The following PCDHA1 variants were observed in gnomAD, a reference collection of about 807,000 sequenced individuals.
PCDHA1 encodes protocadherin alpha-1.
Under a neutral mutation model 61.3 loss-of-function variants are expected in PCDHA1, and 42 were observed. That is an observed-to-expected ratio of 0.69 (90% confidence interval 0.54 to 0.89). PCDHA1 has a LOEUF of 0.89. Ranked by LOEUF, PCDHA1 falls within the 40% of genes least tolerant of loss-of-function variation. The pLI is 0.00. For synonymous variants in PCDHA1, 610 were observed against 553.8 expected (o/e 1.10, Z -1.43); for missense variants, 1,256 against 1,235.3 (o/e 1.02, Z -0.25).
Position 140,885,793 on chromosome 5 carries a change from A to G in PCDHA1, c.2395-93156A>G, listed in dbSNP as rs541928241. On this transcript the variant is annotated intron_variant, in intron 1 of 3. Coordinates refer to ENST00000504120, the MANE Select transcript of PCDHA1 (RefSeq NM_018900.4). ...TATTAGTGAATTTGAGCATATTGTCATATGTATTTTGTTGATTTGTATTTG... is the reference window on the plus strand; with the variant it reads ...TATTAGTGAATTTGAGCATATTGTCGTATGTATTTTGTTGATTTGTATTTG... Among the ~76,000 whole-genome samples the G allele has an allele frequency of 2.0e-5, 3 of 152,162 alleles. No homozygotes were observed. The South Asian group carries it at 6.2e-4, about 32-fold the overall frequency.
At chr5:140,850,617 T>A in intron 1 of PCDHA1, 3 of 1,598,492 alleles carry the variant, frequency 1.9e-6, no homozygotes, top group African/African-American at 2.7e-5. Context: ...CTGCGCGGTG[T>A]CTAGCCTGTT....
intron 1 of PCDHA1, chr5:140,858,134 G>T (rs1277423393): frequency 3.1e-6 from 5 of 1,597,762 alleles, no homozygotes; most frequent in East Asian, 2.2e-5. Context: ...GGATGTCAAC[G>T]TGTACCTGAT....
intron 3 of PCDHA1, among the ~76,000 whole-genome samples, chr5:140,997,807 G>A (rs557351308): frequency 4.5e-4 from 68 of 152,118 alleles, no homozygotes; most frequent in African/African-American, 1.5e-3. Context: ...CCAATTTGCT[G>A]TTGGTATCTA....
Position 140,947,771 on chromosome 5 carries a change from T to C in PCDHA1, c.2395-31178T>C, listed in dbSNP as rs1167163964. ...TATTTTATGGTTTAAAAAATTCTAT[T>C]GTAAATGGATTTTAAACAGACTTTT... On this transcript the variant is annotated intron_variant, in intron 1 of 3. Transcript: ENST00000504120. 2.6e-5 allele frequency among the ~76,000 whole-genome samples: 4 copies of C among 151,706 alleles called. No individual in the cohort carries two copies. The East Asian group carries it at 5.8e-4, about 22-fold the overall frequency.
chr5:140,801,140 A>G, intron 1 of PCDHA1: 1 of 1,526,560 alleles, frequency 6.6e-7, no homozygotes, highest in Non-Finnish European at 8.8e-7. Context: ...AGGAACTCGA[A>G]TTATTTTTAA....
intron 1 of PCDHA1, among the ~76,000 whole-genome samples, chr5:140,941,439 G>A (rs187782763): frequency 1.3e-5 from 2 of 149,420 alleles, no homozygotes; most frequent in East Asian, 2.0e-4. Context: ...CCTCAGCCTC[G>A]GGAGTAGCTG....
At chr5:140,918,823 C>T (rs2078875594) in intron 1 of PCDHA1, among the ~76,000 whole-genome samples, 2 of 11,382 alleles carry the variant, frequency 1.8e-4, no homozygotes, top group African/African-American at 5.2e-3. Context: ...AAAAAGTGGC[C>T]CCCTCCCCAG....
chr5:140,940,774 G>T (rs1554213602), intron 1 of PCDHA1, among the ~76,000 whole-genome samples: 4 of 151,994 alleles, frequency 2.6e-5, no homozygotes, highest in African/African-American at 7.3e-5. Context: ...GACTTTTGAT[G>T]GTCCATATCC....
intron 1 of PCDHA1, chr5:140,815,662 T>G (rs1765776092): frequency 1.3e-5 from 2 of 152,180 alleles, no homozygotes; most frequent in Admixed American, 1.3e-4. Context: ...ATATTTATCT[T>G]TACTAGTGAG....
chr5:140,955,171 C>G (rs887184603), intron 1 of PCDHA1, among the ~76,000 whole-genome samples: 2 of 152,158 alleles, frequency 1.3e-5, no homozygotes, highest in African/African-American at 2.4e-5. Context: ...GTTTTGGTTA[C>G]TGTAGTTTTG....
intron 1 of PCDHA1, chr5:140,851,576 G>C: frequency 1.1e-6 from 1 of 913,534 alleles, no homozygotes; most frequent in Non-Finnish European, 1.3e-6. Context: ...TCTACACTTA[G>C]AACATTTTTT....
At chr5:140,791,369 C>T (rs1212440214) in intron 1 of PCDHA1, among the ~76,000 whole-genome samples, 1 of 152,196 alleles carries the variant, frequency 6.6e-6, no homozygotes, top group Non-Finnish European at 1.5e-5. Flanking sequence ...GATACTGAGA[C>T]ACCATAAAGT....
intron 1 of PCDHA1, chr5:140,836,379 C>T (rs2150259226): frequency 6.2e-7 from 1 of 1,613,734 alleles, no homozygotes; most frequent in Non-Finnish European, 8.5e-7. Context: ...AGCCACCGTG[C>T]TGGTGTCGCT....
intron 1 of PCDHA1, chr5:140,796,819 C>A (rs782194606): frequency 3.7e-6 from 6 of 1,613,996 alleles, no homozygotes; most frequent in Non-Finnish European, 5.1e-6. Context: ...TGGCAGCGCT[C>A]GCATCCCGTT....
intron 1 of PCDHA1, among the ~76,000 whole-genome samples, chr5:140,940,491 C>A (rs1554213409): frequency 6.6e-6 from 1 of 151,752 alleles, no homozygotes; most frequent in Admixed American, 6.6e-5. Context: ...CAAGACAAGT[C>A]TTGCTCCGTC....
chr5:140,914,724 G>A (rs923867157), intron 1 of PCDHA1, among the ~76,000 whole-genome samples: 1 of 150,732 alleles, frequency 6.6e-6, no homozygotes, highest in Non-Finnish European at 1.5e-5. Flanking sequence ...TTTATTTTTT[G>A]TGTATCCATT....
intron 1 of PCDHA1, chr5:140,857,477 T>A (rs1562523780): frequency 1.3e-6 from 2 of 1,598,544 alleles, no homozygotes; most frequent in Admixed American, 1.7e-5. Context: ...CTTCACGGTG[T>A]CTGCGTGGGA....
At position 140,885,285 on chromosome 5, in the gene PCDHA1, T is replaced by G. The variant is rs146462007; in HGVS notation, c.2395-93664T>G. On this transcript the variant is annotated intron_variant, in intron 1 of 3. Transcript: ENST00000504120. ...ACTCATACATATATATATACATATA[T>G]AGAGAGAGACCTGGTAGGCTTTTTG... 7.5e-4 allele frequency among the ~76,000 whole-genome samples: 114 copies of G among 152,298 alleles called. No individual in the cohort carries two copies. In the East Asian group the frequency reaches 9.8e-3, roughly 13 times the overall value.
At chr5:140,973,442 A>G (rs1230315099) in intron 1 of PCDHA1, among the ~76,000 whole-genome samples, 4 of 152,274 alleles carry the variant, frequency 2.6e-5, no homozygotes, top group Non-Finnish European at 5.9e-5. Context: ...TGGTCACTTT[A>G]TAATGACTGG....
Sources: gnomAD v4.1 joint callset for allele counts (sites outside exome capture counted in the v4.1 genomes callset) on GRCh38, gnomAD v4.1.1 for gene constraint, MANE v1.5 for transcripts, NCBI Gene and HGNC (gene_info 2026-07-23, HGNC 2026-07-21) for gene names.